Variants in ABCA12 observed in about 807,000 individuals in gnomAD.
ABCA12 encodes glucosylceramide transporter ABCA12.
In ABCA12, 156 loss-of-function variants were observed where a neutral mutation model predicts 293.5. The observed-to-expected ratio is 0.53, with a 90% CI of 0.47 to 0.61. ABCA12 has a LOEUF of 0.61. Ranked by LOEUF, ABCA12 falls within the 20% of genes least tolerant of loss-of-function variation. ABCA12 has a pLI of 0.00. For synonymous variants in ABCA12, 1,063 were observed against 1,108.0 expected (o/e 0.96, Z 0.81); for missense variants, 2,797 against 3,090.2 (o/e 0.91, Z 2.25).
intron 2 of ABCA12, among the ~76,000 whole-genome samples, chr2:215,078,389 G>A (rs1219035527): frequency 6.6e-6 from 1 of 152,192 alleles, no homozygotes; most frequent in Non-Finnish European, 1.5e-5. Context: ...TCTTCCTTGA[G>A]AGAATACTGA....
At chr2:215,052,292 C>T (rs1016752145) in intron 5 of ABCA12, among the ~76,000 whole-genome samples, 195 bp downstream of exon 5, 10 of 151,424 alleles carry the variant, frequency 6.6e-5, no homozygotes, top group Admixed American at 2.6e-4. Context: ...TAAATAAATA[C>T]TCAAGATATT....
chr2:214,983,703 A>G lies in ABCA12; in HGVS notation c.4326T>C (p.Tyr1442=). 6.2e-7 allele frequency: 1 copy of G among 1,614,098 alleles called. No individual in the cohort carries two copies. The highest frequency in any genetic ancestry group is 1.1e-5 in the South Asian group (1 of 91,082). The change falls in exon 29 of 53, where the codon TAT becomes TAC. Residue 1442 remains tyrosine, a synonymous_variant. Coordinates refer to ENST00000272895, the MANE Select transcript of ABCA12 (RefSeq NM_173076.3). ...TCCAGTGAGGAACTTTGATGGAACC[A>G]TATAGGAGAAGGTGCTCCTTAGTAG... ...YLTTKEHLLL[Y]GSIKVPHWTK... is the part of the protein sequence containing the mutation.
intron 1 of ABCA12, among the ~76,000 whole-genome samples, chr2:215,131,879 A>G (rs567799331): frequency 3.9e-5 from 6 of 151,946 alleles, no homozygotes; most frequent in African/African-American, 1.4e-4. Context: ...ATTTAATGCT[A>G]TAAACTTTTC....
rs765370997 is a variant in ABCA12 at position 215,059,306 on chromosome 2, C to T, written c.318-4642G>A. ...GACACTGTAATGGTCTTGAGGCCCC[C>T]TCAGTGATTTGACGCAGTTGTCCTT... On this transcript the variant is annotated intron_variant, in intron 3 of 52. Transcript: ENST00000272895. 5.3e-5 allele frequency among the ~76,000 whole-genome samples: 8 copies of T among 152,040 alleles called. 1 individual carries two copies. The highest frequency in any genetic ancestry group is 1.3e-4 in the Admixed American group (2 of 15,240).
chr2:215,053,017 T>C (rs1208857634), intron 4 of ABCA12, among the ~76,000 whole-genome samples: 1 of 152,110 alleles, frequency 6.6e-6, no homozygotes, highest in African/African-American at 2.4e-5. Flanking sequence ...CTTTTAATTA[T>C]CCAATTGGGA....
At chr2:214,934,010 A>C in intron 52 of ABCA12, 68 bp downstream of exon 52, 1 of 1,513,170 alleles carries the variant, frequency 6.6e-7, no homozygotes, top group Non-Finnish European at 9.1e-7. Flanking sequence ...AATTAAAAAG[A>C]AATAACCAGA....
intron 7 of ABCA12, among the ~76,000 whole-genome samples, chr2:215,039,477 C>G (rs1045771397): frequency 5.1e-4 from 77 of 152,042 alleles, no homozygotes; most frequent in African/African-American, 1.6e-3. Flanking sequence ...AAGTAAAGGC[C>G]GGGCGCAGTG....
chr2:214,974,995 C>A, intron 34 of ABCA12, 131 bp from the exon 35 acceptor site: 1 of 811,966 alleles, frequency 1.2e-6, no homozygotes, highest in Non-Finnish European at 2.0e-6. Context: ...CAGAGTCTTG[C>A]CGTGTTGCCC....
Position 214,947,431 on chromosome 2 carries a change from A to G in ABCA12, c.7230T>C (p.Ile2410=), listed in dbSNP as rs1698617005. 2 of 1,613,890 alleles carry G rather than the reference A, an allele frequency of 1.2e-6. No homozygotes were observed. The highest frequency in any genetic ancestry group is 1.7e-6 in the Non-Finnish European group (2 of 1,179,802). The change falls in exon 48 of 53, where the codon ATT becomes ATC. Residue 2410 remains isoleucine (I), a synonymous_variant. Coordinates refer to ENST00000272895, the MANE Select transcript of ABCA12 (RefSeq NM_173076.3). ...ATAATGATTCTCTTACCAGCAGTAG[A>G]ATGGAAGGTTTCCCTATCAAGGCCA... The part of the protein sequence containing the change: ...TALALIGKPS[I]LLLDEPSSGM...
rs905134710 is a variant in ABCA12 at position 215,008,477 on chromosome 2, T to TA, written c.2473-632dup. Among the ~76,000 whole-genome samples the TA allele has an allele frequency of 7.3e-5, 11 of 151,028 alleles. No individual in the cohort carries two copies. In the East Asian group the frequency reaches 1.7e-3, roughly 24 times the overall value. On this transcript the variant is annotated intron_variant, in intron 18 of 52. Transcript: ENST00000272895. ...GATTGGATGAGTAAATTCGGTGTTA[T>TA]AAAAAAAAATGTGCAATCTCTAAAA...
chr2:214,986,932 T>C (rs1699801297), intron 27 of ABCA12, among the ~76,000 whole-genome samples: 1 of 152,188 alleles, frequency 6.6e-6, no homozygotes, highest in Non-Finnish European at 1.5e-5. Flanking sequence ...CAGGGTTCAT[T>C]TCACCCTTCT....
At chr2:215,120,731 C>A (rs1702789313) in intron 1 of ABCA12, among the ~76,000 whole-genome samples, 1 of 152,154 alleles carries the variant, frequency 6.6e-6, no homozygotes, top group African/African-American at 2.4e-5. Context: ...AAGAAGTTTA[C>A]TATGAAACTC....
intron 1 of ABCA12, among the ~76,000 whole-genome samples, chr2:215,132,274 A>G (rs1703076400): frequency 6.6e-6 from 1 of 152,054 alleles, no homozygotes; most frequent in Admixed American, 6.6e-5. Context: ...AGTCCAATTT[A>G]AGTCCAGAGT....
chr2:215,083,650 A>C lies in ABCA12; in HGVS notation c.164-19431T>G, dbSNP rs1029649483. Among the ~76,000 whole-genome samples, 11 of 152,334 alleles carry C rather than the reference A, an allele frequency of 7.2e-5. 1 individual carries two copies. The highest frequency in any genetic ancestry group is 3.3e-4 in the Admixed American group (5 of 15,298). On this transcript the variant is annotated intron_variant, in intron 2 of 52. Coordinates refer to ENST00000272895, the MANE Select transcript of ABCA12 (RefSeq NM_173076.3). ...TCTAGAGTATACTAACTATTAATAG[A>C]ATTTCTATACACTTTACCATCTTGG...
At chr2:215,087,890 C>G (rs74989620) in intron 2 of ABCA12, among the ~76,000 whole-genome samples, 1 of 152,192 alleles carries the variant, frequency 6.6e-6, no homozygotes, top group Admixed American at 6.5e-5. Flanking sequence ...AATTGGCTCA[C>G]CTGGTCATTT....
At chr2:214,997,044 G>A (rs1700050240) in intron 23 of ABCA12, among the ~76,000 whole-genome samples, 1 of 152,148 alleles carries the variant, frequency 6.6e-6, no homozygotes, top group South Asian at 2.1e-4. Flanking sequence ...CTAAAAAGAA[G>A]TAAGATATTT....
chr2:215,001,167 T>A (rs978032952), intron 21 of ABCA12, 147 bp from the exon 22 acceptor site: 11 of 816,290 alleles, frequency 1.3e-5, no homozygotes, highest in Admixed American at 2.7e-5. Context: ...ACAGAAAACA[T>A]GGTTAATTGG....
chr2:214,991,166 C>T lies in ABCA12; in HGVS notation c.3295-135G>A, dbSNP rs539166596. 9.3e-5 allele frequency: 77 copies of T among 826,880 alleles called. No individual in the cohort carries two copies. The Admixed American group carries it at 1.3e-3, about 14-fold the overall frequency. The allele number at this position is 826,880 out of a possible 1,614,324, so 51.2% of individuals were successfully genotyped here. On this transcript the variant is annotated intron_variant, in intron 23 of 52. Transcript: ENST00000272895. ...AGGCATTTTAATAATTTACATAAAT[C>T]AAGAATTTATCCATGCTTGCTATGT...
intron 1 of ABCA12, among the ~76,000 whole-genome samples, chr2:215,130,810 T>C (rs1703036613): frequency 6.6e-6 from 1 of 152,138 alleles, no homozygotes; most frequent in African/African-American, 2.4e-5. Flanking sequence ...AACATCCTTG[T>C]CTTGTTCCAA....
Sources: gnomAD v4.1 joint callset for allele counts (sites outside exome capture counted in the v4.1 genomes callset) on GRCh38, gnomAD v4.1.1 for gene constraint, MANE v1.5 for transcripts, NCBI Gene and HGNC (gene_info 2026-07-23, HGNC 2026-07-21) for gene names.